Variants in ZNF281 observed in about 807,000 individuals in gnomAD.
The protein encoded by ZNF281 is zinc finger protein 281, also known as GC-box-binding zinc finger protein 1.
In ZNF281, 2 loss-of-function variants were observed where a neutral mutation model predicts 58.8. That is an observed-to-expected ratio of 0.03 (90% CI 0.01 to 0.11). The LOEUF is 0.11. Ranked by LOEUF, ZNF281 falls within the 10% of genes least tolerant of loss-of-function variation. The probability of loss-of-function intolerance (pLI) is 1.00; values close to 1 mark genes in which losing one functional copy is unlikely to be tolerated. For synonymous variants in ZNF281, 465 were observed against 407.7 expected, an observed-to-expected ratio of 1.14 and a Z score of -1.69; for missense variants, 975 against 1,090.7, an observed-to-expected ratio of 0.89 and a Z score of 1.49.
chr1:200,409,658 A>G lies in ZNF281; in HGVS notation c.48T>C (p.Ser16=). 6.4e-7 allele frequency: 1 copy of G among 1,557,198 alleles called. No homozygotes were observed. The highest frequency in any genetic ancestry group is 8.7e-7 in the Non-Finnish European group (1 of 1,153,748). The change falls in exon 2 of 2, where the codon AGT becomes AGC. Residue 16 remains serine, a synonymous_variant. Transcript: ENST00000367353. ...GFLSGGGGTG[S]SGGSGSGGGG... ...CGCCGCCGGAGCCGCTACCACCGCTACTGCCGGTACCTCCGCCGCCACTCA... is the reference window on the plus strand; with the variant it reads ...CGCCGCCGGAGCCGCTACCACCGCTGCTGCCGGTACCTCCGCCGCCACTCA...
Position 200,407,431 on chromosome 1 carries a change from ACTG to A in ZNF281, c.2272_2274del (p.Gln758del). On this transcript the variant is annotated inframe_deletion, in exon 2 of 2. Coordinates refer to ENST00000367353, the MANE Select transcript of ZNF281 (RefSeq NM_001281293.2). ...TCATCCAGCTCCTGGGAAGGTGTCAACTGCTGATGTGTAGCATCCAAAGCAGAC... is the reference window on the plus strand; with the variant it reads ...TCATCCAGCTCCTGGGAAGGTGTCAACTGATGTGTAGCATCCAAAGCAGAC... 1 of 1,614,220 alleles carries A rather than the reference ACTG, an allele frequency of 6.2e-7. No homozygotes were observed. The highest frequency in any genetic ancestry group is 8.5e-7 in the Non-Finnish European group (1 of 1,180,038).
rs757886747 is a variant in ZNF281 at position 200,409,349 on chromosome 1, C to G, written c.357G>C (p.Gly119=). The G allele has an allele frequency of 1.9e-6, 3 of 1,557,974 alleles. No homozygotes were observed. The African/African-American group carries it at 4.1e-5, about 21-fold the overall frequency. Residue 119 remains glycine (G), a synonymous_variant, in exon 2 of 2, where the codon GGG becomes GGC. Coordinates refer to ENST00000367353, the MANE Select transcript of ZNF281 (RefSeq NM_001281293.2). ...AAFPSQRTSW[G]FLQSLVSIKQ... is the part of the protein sequence containing the mutation. ...TGATGCTAACCAAAGACTGCAAGAA[C>G]CCCCAGGAGGTCCTCTGCGAGGGGA...
At position 200,407,699 on chromosome 1, in the gene ZNF281, G is replaced by C; in HGVS notation, c.2007C>G (p.Ser669=). 6.2e-7 allele frequency: 1 copy of C among 1,614,182 alleles called. No homozygotes were observed. Among genetic ancestry groups the C allele is most frequent in the African/African-American group, 1.3e-5 (1 of 75,038 alleles). ...NDKASMLQEY[S]KYLQQAFEKS... The stretch of plus-strand genomic sequence containing the variant: ...TTTCAAAAGCCTGTTGGAGGTATTT[G>C]GAGTATTCTTGCAACATACTTGCTT... Residue 669 remains serine (S), a synonymous_variant, in exon 2 of 2, where the codon TCC becomes TCG. Coordinates refer to ENST00000367353, the MANE Select transcript of ZNF281 (RefSeq NM_001281293.2).
intron 1 of ZNF281, 65 bp downstream of exon 1, chr1:200,409,881 G>T: frequency 2.1e-6 from 2 of 954,344 alleles, no homozygotes; most frequent in Non-Finnish European, 1.5e-6. Flanking sequence ...GCACCGGCAC[G>T]CATGGTCCTG....
rs1368731322 is a variant in ZNF281 at position 200,408,350 on chromosome 1, G to A, written c.1356C>T (p.Gly452=). 6 of 1,613,850 alleles carry A rather than the reference G, an allele frequency of 3.7e-6. No homozygotes were observed. The highest frequency in any genetic ancestry group is 5.1e-6 in the Non-Finnish European group (6 of 1,180,010). Residue 452 remains glycine (G), a synonymous_variant, in exon 2 of 2, where the codon GGC becomes GGT. Transcript: ENST00000367353. ...TCTTCTGCAGTTCATCTATTCCAGTGCCAATTATGCCTCCACTGGAAGACA... is the reference window on the plus strand; with the variant it reads ...TCTTCTGCAGTTCATCTATTCCAGTACCAATTATGCCTCCACTGGAAGACA... ...PTVSSSGGII[G]TGIDELQKRV... is the part of the protein sequence containing the mutation.
chr1:200,407,000 C>A lies in ZNF281; in HGVS notation c.*18G>T. 1 of 1,587,936 alleles carries A rather than the reference C, an allele frequency of 6.3e-7. No individual in the cohort carries two copies. Among genetic ancestry groups the A allele is most frequent in the Non-Finnish European group, 8.6e-7 (1 of 1,168,428 alleles). On this transcript the variant is annotated 3_prime_UTR_variant, in exon 2 of 2. Transcript: ENST00000367353. ...AAAATTACATTAGAAGACCTCCAGC[C>A]TGGCCACTTTTGGGACCTTACCTGT...
chr1:200,406,720 C>CT lies in ZNF281; in HGVS notation c.*297dup, dbSNP rs1177970390. ...TTTTTTTTTTTTGGTTTTTTTTTGT[C>CT]TTTTTTTTTGCGTTTAAAACATTTG... On this transcript the variant is annotated 3_prime_UTR_variant, in exon 2 of 2. Coordinates refer to ENST00000367353, the MANE Select transcript of ZNF281 (RefSeq NM_001281293.2). 2.0e-3 allele frequency: 332 copies of CT among 163,684 alleles called. 1 individual carries two copies. The highest frequency in any genetic ancestry group is 6.6e-3 in the African/African-American group (232 of 35,002). The allele number at this position is 163,684 out of a possible 1,614,324, so 10.1% of individuals were successfully genotyped here. A position where few individuals can be genotyped will look rare whatever the true frequency, so the allele number is the denominator to read the frequency against.
Sources: allele counts gnomAD v4.1 joint callset, GRCh38; gene constraint gnomAD v4.1.1; transcripts MANE v1.5; gene names NCBI Gene and HGNC (gene_info 2026-07-23, HGNC 2026-07-21).